Variants in RNF214 observed in about 807,000 individuals in gnomAD.
The protein encoded by RNF214 is ring finger protein 214.
RNF214 carries 25 observed loss-of-function variants against 75.9 expected under a neutral mutation model. The observed-to-expected ratio is 0.33, with a 90% CI of 0.24 to 0.46. The LOEUF (loss-of-function observed/expected upper bound fraction) is 0.46. Among genes scored for constraint, RNF214 ranks in the 20% least tolerant of loss-of-function variants. RNF214 has a pLI of 1.00. For missense variants in RNF214, 725 were observed against 857.5 expected (o/e 0.85, Z 1.93); for synonymous variants, 314 against 308.8 (o/e 1.02, Z -0.18).
intron 2 of RNF214, among the ~76,000 whole-genome samples, chr11:117,237,022 T>C (rs966519761): frequency 6.6e-6 from 1 of 152,192 alleles, no homozygotes; most frequent in Non-Finnish European, 1.5e-5. Context: ...TATGCCTGAA[T>C]TTTTAATTAA....
chr11:117,234,300 G>C lies in RNF214; in HGVS notation c.28G>C (p.Val10Leu), dbSNP rs755386792. The change falls in exon 2 of 15, where the codon GTG becomes CTG. Residue 10 changes from valine to leucine, a missense_variant. Physicochemically the swap from Val to Leu is conservative, Grantham distance 32. Coordinates refer to ENST00000300650, the MANE Select transcript of RNF214 (RefSeq NM_207343.4). MAASEVAGVVANAPSPPESS... is the reference protein window; with the variant it reads MAASEVAGVLANAPSPPESS... Reference sequence around the variant, plus strand: ...GGCAGCGTCTGAGGTTGCTGGTGTTGTGGCCAATGCCCCCAGTCCTCCGGA... The same window carrying C: ...GGCAGCGTCTGAGGTTGCTGGTGTTCTGGCCAATGCCCCCAGTCCTCCGGA... 4 of 1,614,196 alleles carry C rather than the reference G, an allele frequency of 2.5e-6. No individual in the cohort carries two copies. The Middle Eastern group carries it at 5.0e-4, about 200-fold the overall frequency.
At chr11:117,282,359 G>A (rs2034146240) in intron 11 of RNF214, 45 bp from the exon 12 acceptor site, 2 of 1,604,550 alleles carry the variant, frequency 1.2e-6, no homozygotes, top group Admixed American at 3.4e-5. Context: ...TGTTCCCCGT[G>A]GGTATAGCAT....
chr11:117,281,383 G>A lies in RNF214; in HGVS notation c.1215G>A (p.Arg405=). Residue 405 remains arginine, a synonymous_variant, in exon 9 of 15, where the codon CGG becomes CGA. Coordinates refer to ENST00000300650, the MANE Select transcript of RNF214 (RefSeq NM_207343.4). ...QEWETRLNGV[R]IMKKNVRDQF... Reference sequence around the variant, plus strand: ...GGGAGACGAGACTGAATGGAGTTCGGATAATGAAAAAGAATGTTCGTGTAA... The same window carrying A: ...GGGAGACGAGACTGAATGGAGTTCGAATAATGAAAAAGAATGTTCGTGTAA... 6.2e-7 allele frequency: 1 copy of A among 1,612,756 alleles called. No homozygotes were observed. The highest frequency in any genetic ancestry group is 8.5e-7 in the Non-Finnish European group (1 of 1,178,924).
At chr11:117,259,678 G>A (rs992998517) in intron 6 of RNF214, among the ~76,000 whole-genome samples, 52 of 151,920 alleles carry the variant, frequency 3.4e-4, no homozygotes, top group African/African-American at 1.1e-3. Context: ...GACTAATGAT[G>A]GTATCTCTTT....
At chr11:117,268,356 G>C (rs1408371596) in intron 6 of RNF214, among the ~76,000 whole-genome samples, 1 of 152,194 alleles carries the variant, frequency 6.6e-6, no homozygotes. Context: ...CCAGGTCCTT[G>C]AAACATTCCT....
chr11:117,275,760 A>G (rs192556170), intron 6 of RNF214, among the ~76,000 whole-genome samples: 103 of 152,308 alleles, frequency 6.8e-4, no homozygotes, highest in African/African-American at 2.2e-3. Context: ...AAATCTCCCA[A>G]CCAAGACATC....
intron 10 of RNF214, 59 bp from the exon 11 acceptor site, chr11:117,281,835 T>A: frequency 6.3e-7 from 1 of 1,577,338 alleles, no homozygotes; most frequent in Admixed American, 1.8e-5. Flanking sequence ...TCTTCTCCAG[T>A]TTCCTAAACT....
At chr11:117,236,376 C>T (rs1197622028) in intron 2 of RNF214, among the ~76,000 whole-genome samples, 1 of 151,816 alleles carries the variant, frequency 6.6e-6, no homozygotes, top group African/African-American at 2.4e-5. Flanking sequence ...CGAGTTCAAG[C>T]GATTCTCCTG....
intron 6 of RNF214, among the ~76,000 whole-genome samples, chr11:117,269,063 G>C (rs1267096921): frequency 6.6e-6 from 1 of 152,122 alleles, no homozygotes; most frequent in East Asian, 1.9e-4. Flanking sequence ...TCTTTAACAG[G>C]GAAGGGGAGA....
rs559471284 is a variant in RNF214, at chr11:117,269,421, G to A, written c.960-10487G>A. ...CTGTCACCCAGCCTGGAGTGCAGTG[G>A]CATGATCATGGCTCACCACAGCCTC... On this transcript the variant is annotated intron_variant, in intron 6 of 14. Coordinates refer to ENST00000300650, the MANE Select transcript of RNF214 (RefSeq NM_207343.4). Among the ~76,000 whole-genome samples the A allele has an allele frequency of 2.0e-5, 3 of 152,240 alleles. No homozygotes were observed. In the South Asian group the frequency reaches 6.2e-4, roughly 32 times the overall value.
intron 1 of RNF214, 77 bp from the exon 2 acceptor site, chr11:117,234,190 A>ACATT (rs2032833544): frequency 2.9e-6 from 3 of 1,044,378 alleles, no homozygotes; most frequent in Non-Finnish European, 4.5e-6. Context: ...TGTTGTGTGG[A>ACATT]CATTCTGAGG....
chr11:117,278,350 T>C (rs1021093990), intron 6 of RNF214, among the ~76,000 whole-genome samples: 1 of 152,218 alleles, frequency 6.6e-6, no homozygotes, highest in African/African-American at 2.4e-5. Context: ...TCTTCTTATT[T>C]TATTTTTACT....
chr11:117,273,091 G>A (rs1232639977), intron 6 of RNF214, among the ~76,000 whole-genome samples: 1 of 152,006 alleles, frequency 6.6e-6, no homozygotes, highest in Non-Finnish European at 1.5e-5. Context: ...TTTACATTTT[G>A]TAAATCTCTT....
chr11:117,270,125 C>G (rs2033877535), intron 6 of RNF214, among the ~76,000 whole-genome samples: 1 of 151,966 alleles, frequency 6.6e-6, no homozygotes, highest in Admixed American at 6.6e-5. Flanking sequence ...CAAAGATAAT[C>G]CCTCTTGGTG....
intron 4 of RNF214, among the ~76,000 whole-genome samples, chr11:117,243,311 T>C (rs1165817430): frequency 2.6e-5 from 4 of 152,124 alleles, no homozygotes; most frequent in African/African-American, 9.7e-5. Context: ...CATGCCTGGC[T>C]AATTTTGTAT....
rs745939687 is a variant in RNF214 at position 117,283,156 on chromosome 11, C to T, written c.1992C>T (p.Leu664=). 19 of 1,614,002 alleles carry T rather than the reference C, an allele frequency of 1.2e-5. No homozygotes were observed. Among genetic ancestry groups the T allele is most frequent in the African/African-American group, 1.1e-4 (8 of 74,902 alleles). ...AGCTATGTCTAATGTGCCAGAAACT[C>T]GTCCAGCCCAGTGAGCTGCATCCAA... ...TCKLCLMCQK[L]VQPSELHPMA... Residue 664 remains leucine (L), a synonymous_variant, in exon 14 of 15, where the codon CTC becomes CTT. Coordinates refer to ENST00000300650, the MANE Select transcript of RNF214 (RefSeq NM_207343.4).
chr11:117,268,679 T>C (rs890284155), intron 6 of RNF214, among the ~76,000 whole-genome samples: 9 of 152,224 alleles, frequency 5.9e-5, no homozygotes, highest in Non-Finnish European at 1.2e-4. Flanking sequence ...AGAGACTTTT[T>C]ATTTTCATAT....
intron 6 of RNF214, among the ~76,000 whole-genome samples, chr11:117,266,814 CT>C (rs1287636875): frequency 6.7e-6 from 1 of 149,944 alleles, no homozygotes; most frequent in Non-Finnish European, 1.5e-5. Context: ...TTTTTTTGTT[CT>C]ATTTCTCATA....
intron 6 of RNF214, among the ~76,000 whole-genome samples, chr11:117,250,074 C>A (rs961920860): frequency 6.6e-6 from 1 of 152,086 alleles, no homozygotes; most frequent in Admixed American, 6.6e-5. Flanking sequence ...TTGTGAGAGA[C>A]ATAGATAAAC....
Sources: gnomAD v4.1 joint callset for allele counts (sites outside exome capture counted in the v4.1 genomes callset) on GRCh38, gnomAD v4.1.1 for gene constraint, MANE v1.5 for transcripts, NCBI Gene and HGNC (gene_info 2026-07-23, HGNC 2026-07-21) for gene names.